NEK11: variants seen among roughly 807,000 people sequenced by gnomAD.
NEK11 encodes NIMA related kinase 11.
NEK11 carries 72 observed loss-of-function variants against 80.7 expected under a neutral mutation model. That is an observed-to-expected ratio of 0.89 (90% CI 0.74 to 1.08). The LOEUF (loss-of-function observed/expected upper bound fraction) is 1.08, where lower values mean the gene tolerates loss of function less well. NEK11 is among the 50% of genes least tolerant of loss of function. NEK11 has a pLI of 0.00. For synonymous variants in NEK11, 251 were observed against 260.7 expected (o/e 0.96, Z 0.36); for missense variants, 764 against 763.6 (o/e 1.00, Z -0.01).
At chr3:131,291,911 A>G (rs1259381721) in intron 17 of NEK11, among the ~76,000 whole-genome samples, 1 of 152,102 alleles carries the variant, frequency 6.6e-6, no homozygotes, top group African/African-American at 2.4e-5. Context: ...CATTCTCTTG[A>G]CGTTGTCTTT....
chr3:131,307,917 G>C (rs2096738640), intron 17 of NEK11, among the ~76,000 whole-genome samples: 1 of 152,154 alleles, frequency 6.6e-6, no homozygotes, highest in Admixed American at 6.5e-5. Flanking sequence ...AAAATTTCAA[G>C]TACCTAGAGA....
intron 14 of NEK11, among the ~76,000 whole-genome samples, chr3:131,173,228 A>G (rs184714248): frequency 2.2e-4 from 34 of 152,226 alleles, no homozygotes; most frequent in Admixed American, 1.2e-3. Flanking sequence ...ACTTTTCTCT[A>G]TGAACTTGCC....
At chr3:131,042,309 T>A (rs964294764) in intron 3 of NEK11, among the ~76,000 whole-genome samples, 1 of 150,908 alleles carries the variant, frequency 6.6e-6, no homozygotes, top group African/African-American at 2.4e-5. Context: ...AGCCAAGAGG[T>A]CTTGCTCAGC....
At chr3:131,253,824 A>G (rs2095754653) in intron 16 of NEK11, among the ~76,000 whole-genome samples, 1 of 152,180 alleles carries the variant, frequency 6.6e-6, no homozygotes, top group Admixed American at 6.6e-5. Flanking sequence ...TGAATTAATG[A>G]TTGGTGAGTT....
intron 3 of NEK11, among the ~76,000 whole-genome samples, chr3:131,078,257 G>T (rs1250799953): frequency 6.6e-6 from 1 of 152,154 alleles, no homozygotes; most frequent in Non-Finnish European, 1.5e-5. Context: ...CCCAGTAATG[G>T]TCATCTTGGA....
At chr3:131,226,845 A>G (rs1462807941) in intron 14 of NEK11, among the ~76,000 whole-genome samples, 2 of 152,164 alleles carry the variant, frequency 1.3e-5, no homozygotes, top group Non-Finnish European at 2.9e-5. Context: ...ATGCATGTAC[A>G]TATGTGTATA....
intron 17 of NEK11, among the ~76,000 whole-genome samples, chr3:131,346,185 T>A (rs888507224): frequency 6.6e-6 from 1 of 152,212 alleles, no homozygotes; most frequent in Admixed American, 6.5e-5. Flanking sequence ...AAGTAGATTT[T>A]AGCTGTTCTT....
At chr3:131,157,882 G>T (rs1410573409) in intron 10 of NEK11, among the ~76,000 whole-genome samples, 1 of 152,176 alleles carries the variant, frequency 6.6e-6, no homozygotes, top group African/African-American at 2.4e-5. Flanking sequence ...ACTTGAGTTG[G>T]TAGGGAGAGC....
intron 3 of NEK11, among the ~76,000 whole-genome samples, chr3:131,075,099 T>G (rs1476198232): frequency 6.6e-6 from 1 of 152,188 alleles, no homozygotes; most frequent in Non-Finnish European, 1.5e-5. Flanking sequence ...CACTGCACCA[T>G]GATGCCCCTT....
chr3:131,198,220 C>T (rs2094102320), intron 14 of NEK11, among the ~76,000 whole-genome samples: 2 of 152,194 alleles, frequency 1.3e-5, no homozygotes, highest in South Asian at 4.1e-4. Flanking sequence ...CACTGCATAC[C>T]CTGCTTTTCA....
chr3:131,122,293 G>A (rs2082519405), intron 5 of NEK11, among the ~76,000 whole-genome samples: 1 of 152,198 alleles, frequency 6.6e-6, no homozygotes, highest in Admixed American at 6.5e-5. Flanking sequence ...TGGTGTTACT[G>A]GAGATTCCTG....
At chr3:131,124,153 C>A (rs185967631) in intron 5 of NEK11, among the ~76,000 whole-genome samples, 1 of 152,128 alleles carries the variant, frequency 6.6e-6, no homozygotes, top group Non-Finnish European at 1.5e-5. Context: ...TCACTCCCCC[C>A]TTTTTTTGTC....
In NEK11 at chr3:131,164,725, T is replaced by C. The variant is rs116935595; in HGVS notation, c.1083-701T>C. 3.8e-4 allele frequency among the ~76,000 whole-genome samples: 58 copies of C among 152,354 alleles called. No individual in the cohort carries two copies. The East Asian group carries it at 0.011, about 29-fold the overall frequency. On this transcript the variant is annotated intron_variant, in intron 11 of 17. Coordinates refer to ENST00000383366, the MANE Select transcript of NEK11 (RefSeq NM_024800.5). Reference sequence around the variant, plus strand: ...GTCTTGATTTTGTGAATAAGTTGTATTGGAATTGTTTCTAGTTGTTGATTA... The same window carrying C: ...GTCTTGATTTTGTGAATAAGTTGTACTGGAATTGTTTCTAGTTGTTGATTA...
At chr3:131,115,972 T>TTC (rs751955159) in intron 5 of NEK11, among the ~76,000 whole-genome samples, 7 of 143,024 alleles carry the variant, frequency 4.9e-5, no homozygotes, top group African/African-American at 1.0e-4. Flanking sequence ...CTTTCTTTCT[T>TTC]TCTTTCTTTC....
At chr3:131,311,990 C>T (rs1006994558) in intron 17 of NEK11, among the ~76,000 whole-genome samples, 1 of 152,152 alleles carries the variant, frequency 6.6e-6, no homozygotes, top group Non-Finnish European at 1.5e-5. Flanking sequence ...TAGAACCTGC[C>T]ATAGTTACCA....
chr3:131,252,449 A>C (rs1169401217), intron 16 of NEK11, among the ~76,000 whole-genome samples: 1 of 152,162 alleles, frequency 6.6e-6, no homozygotes, highest in Admixed American at 6.6e-5. Context: ...TGCTGTGTGT[A>C]GTGGCTTGAC....
At chr3:131,105,184 C>A (rs1035836011) in intron 4 of NEK11, among the ~76,000 whole-genome samples, 1 of 152,166 alleles carries the variant, frequency 6.6e-6, no homozygotes, top group Non-Finnish European at 1.5e-5. Flanking sequence ...TGACAAAATG[C>A]AGAATATTTC....
At chr3:131,255,118 A>AAGAG (rs1218968757) in intron 16 of NEK11, among the ~76,000 whole-genome samples, 2 of 144,572 alleles carry the variant, frequency 1.4e-5, no homozygotes, top group Admixed American at 6.8e-5. Context: ...GAAAGAAAGA[A>AAGAG]AGAAAGAAAG....
chr3:131,114,223 T>C, intron 5 of NEK11, among the ~76,000 whole-genome samples: 1 of 152,220 alleles, frequency 6.6e-6, no homozygotes, highest in East Asian at 1.9e-4. Context: ...TTTATCTTAA[T>C]TGTCTGACTT....
Sources: allele counts gnomAD v4.1 joint callset (sites outside exome capture counted in the v4.1 genomes callset), GRCh38; gene constraint gnomAD v4.1.1; transcripts MANE v1.5; gene names NCBI Gene and HGNC (gene_info 2026-07-23, HGNC 2026-07-21).